The following DENND2B variants were observed in gnomAD, a reference collection of about 807,000 sequenced individuals.
The protein encoded by DENND2B is DENN domain-containing protein 2B.
In DENND2B, 32 loss-of-function variants were observed where a neutral mutation model predicts 116.0. The ratio of observed to expected loss-of-function variants is 0.28; its 90% CI spans 0.21 to 0.37. The LOEUF (loss-of-function observed/expected upper bound fraction) is 0.37. Ranked by LOEUF, DENND2B falls within the 10% of genes least tolerant of loss-of-function variation. DENND2B has a pLI of 1.00. For missense variants in DENND2B, 1,276 were observed against 1,477.7 expected (o/e 0.86, Z 2.24); for synonymous variants, 588 against 583.9 (o/e 1.01, Z -0.10).
chr11:8,890,166 C>G (rs1198694728), intron 1 of DENND2B, among the ~76,000 whole-genome samples: 4 of 152,172 alleles, frequency 2.6e-5, no homozygotes, highest in African/African-American at 9.7e-5. Context: ...CTCCAACAGA[C>G]CTGCAGCTGA....
chr11:8,903,601 G>T (rs1464390034), intron 1 of DENND2B, among the ~76,000 whole-genome samples: 1 of 151,900 alleles, frequency 6.6e-6, no homozygotes, highest in East Asian at 1.9e-4. Context: ...CAACTTAAGT[G>T]ACTGGGCAAA....
intron 1 of DENND2B, chr11:8,776,239 ATTTCT>A (rs2057713387): frequency 4.4e-6 from 2 of 455,658 alleles, no homozygotes; most frequent in Non-Finnish European, 8.8e-6. Flanking sequence ...CCACGTGTCC[ATTTCT>A]GCCCCATGTT....
At chr11:8,717,674 T>A in intron 5 of DENND2B, 67 bp downstream of exon 5, 2 of 1,471,866 alleles carry the variant, frequency 1.4e-6, no homozygotes, top group South Asian at 1.5e-5. Context: ...GGCCCAAGTC[T>A]TGGAAGAGCA....
intron 3 of DENND2B, among the ~76,000 whole-genome samples, chr11:8,846,550 C>A (rs542334126): frequency 2.6e-5 from 4 of 152,262 alleles, no homozygotes; most frequent in Non-Finnish European, 4.4e-5. Flanking sequence ...CAGGGCAGAA[C>A]CTACAGATGG....
intron 1 of DENND2B, among the ~76,000 whole-genome samples, chr11:8,899,793 T>A (rs930903167): frequency 6.6e-6 from 1 of 152,222 alleles, no homozygotes; most frequent in African/African-American, 2.4e-5. Flanking sequence ...ATATATTGGT[T>A]AATATAAAGG....
chr11:8,780,766 G>T (rs550791478), intron 1 of DENND2B, among the ~76,000 whole-genome samples: 57 of 152,124 alleles, frequency 3.7e-4, no homozygotes, highest in Non-Finnish European at 5.3e-4. Context: ...GAGGTCTAGG[G>T]GCTACGGCAG....
intron 4 of DENND2B, among the ~76,000 whole-genome samples, chr11:8,828,164 C>T (rs1467853194): frequency 6.6e-6 from 1 of 152,172 alleles, no homozygotes; most frequent in Non-Finnish European, 1.5e-5. Context: ...GCTGTTCCTG[C>T]CTACAGTGGC....
At chr11:8,782,496 A>G (rs774575022) in intron 1 of DENND2B, among the ~76,000 whole-genome samples, 1 of 152,248 alleles carries the variant, frequency 6.6e-6, no homozygotes, top group Admixed American at 6.5e-5. Flanking sequence ...TCTGAAGCCA[A>G]TATGGTACAG....
intron 1 of DENND2B, among the ~76,000 whole-genome samples, chr11:8,770,021 A>G (rs944354897): frequency 6.6e-6 from 1 of 152,170 alleles, no homozygotes; most frequent in African/African-American, 2.4e-5. Context: ...TTTTTTTAAC[A>G]GCAGCTCAAA....
upstream of DENND2B, among the ~76,000 whole-genome samples, chr11:8,814,893 T>G (rs529384579): frequency 1.4e-4 from 21 of 152,332 alleles, no homozygotes; most frequent in Non-Finnish European, 2.4e-4. Flanking sequence ...TTGCCTCTTT[T>G]CATCGACTTA....
At chr11:8,856,688 T>G (rs2063204382) in intron 3 of DENND2B, among the ~76,000 whole-genome samples, 1 of 152,030 alleles carries the variant, frequency 6.6e-6, no homozygotes, top group Non-Finnish European at 1.5e-5. Flanking sequence ...AGGCCCTCTC[T>G]GGGCAGCTGC....
chr11:8,799,242 A>G (rs1388009389), intron 1 of DENND2B, among the ~76,000 whole-genome samples: 3 of 152,202 alleles, frequency 2.0e-5, no homozygotes, highest in Non-Finnish European at 4.4e-5. Context: ...CTCTCCCAGC[A>G]CAGCCAAGCC....
intron 1 of DENND2B, among the ~76,000 whole-genome samples, chr11:8,899,610 A>G (rs2064140513): frequency 6.6e-6 from 1 of 152,222 alleles, no homozygotes; most frequent in Admixed American, 6.5e-5. Flanking sequence ...ATAGCCTTAT[A>G]GCCTTTAAAT....
At chr11:8,858,257 A>T (rs766704698) in intron 2 of DENND2B, among the ~76,000 whole-genome samples, 31 of 152,196 alleles carry the variant, frequency 2.0e-4, no homozygotes, top group Non-Finnish European at 2.4e-4. Flanking sequence ...TCCTATTCTA[A>T]AAAGTAAAGA....
chr11:8,754,662 G>A (rs997387549), intron 1 of DENND2B, among the ~76,000 whole-genome samples: 1 of 152,170 alleles, frequency 6.6e-6, no homozygotes, highest in Non-Finnish European at 1.5e-5. Context: ...CCAAAAAGTG[G>A]AACTAACCCA....
In DENND2B at chr11:8,702,645, C is replaced by T. The variant is rs773513736; in HGVS notation, c.2647G>A (p.Val883Met). The change falls in exon 14 of 20, where the codon GTG (valine) becomes ATG (methionine). Residue 883 changes from valine (V) to methionine (M), a missense_variant. By Grantham distance (21) the Val-to-Met change is conservative. Transcript: ENST00000313726. This position sits in a 1 kb window ranked among gnomAD's most constrained non-coding sequence, Gnocchi z 4.6. ...GCAAAGATTCGGATGAGCTGGCGCA[C>T]ACTGAGGCAGGTAAAAAGGCACTCA... is the stretch of plus-strand genomic sequence containing the variant. The part of the protein sequence containing the change: ...DFECLFTCLS[V>M]RQLIRIFASL... The T allele has an allele frequency of 9.9e-6, 16 of 1,614,018 alleles. No individual in the cohort carries two copies. The Middle Eastern group carries it at 1.3e-3, about 133-fold the overall frequency.
intron 1 of DENND2B, among the ~76,000 whole-genome samples, chr11:8,802,976 T>A (rs936006496): frequency 2.0e-5 from 3 of 152,228 alleles, no homozygotes; most frequent in Non-Finnish European, 2.9e-5. Flanking sequence ...AAATATTTTT[T>A]AAGCACCAAC....
At chr11:8,754,644 CATA>C (rs1414363625) in intron 1 of DENND2B, among the ~76,000 whole-genome samples, 3 of 152,182 alleles carry the variant, frequency 2.0e-5, no homozygotes, top group Non-Finnish European at 4.4e-5. Context: ...CAGAATTACT[CATA>C]GTAGCCAAAA....
intron 3 of DENND2B, chr11:8,839,390 T>C (rs2062545994): frequency 6.6e-6 from 1 of 152,072 alleles, no homozygotes; most frequent in African/African-American, 2.4e-5. Context: ...CCAAGTAAAA[T>C]TCACTTACAC....
Sources: allele counts gnomAD v4.1 joint callset (sites outside exome capture counted in the v4.1 genomes callset), GRCh38; gene constraint gnomAD v4.1.1; non-coding constraint Gnocchi (gnomAD v3.1); transcripts MANE v1.5; gene names NCBI Gene and HGNC (gene_info 2026-07-23, HGNC 2026-07-21).